RAD51B: variants seen among roughly 807,000 people sequenced by gnomAD.
The protein encoded by RAD51B is DNA repair protein RAD51 homolog 2.
Under a neutral mutation model 42.2 loss-of-function variants are expected in RAD51B, and 38 were observed. That is an observed-to-expected ratio of 0.90 (90% CI 0.70 to 1.18). The LOEUF is 1.18. Among genes scored for constraint, RAD51B ranks in the 50% most tolerant of loss-of-function variants. The probability of loss-of-function intolerance (pLI) is 0.00; values close to 1 mark genes in which losing one functional copy is unlikely to be tolerated. For synonymous variants in RAD51B, 154 were observed against 145.2 expected (o/e 1.06, Z -0.43); for missense variants, 373 against 400.7 (o/e 0.93, Z 0.59).
chr14:67,924,960 A>G (rs1425061549), intron 7 of RAD51B, among the ~76,000 whole-genome samples: 1 of 152,244 alleles, frequency 6.6e-6, no homozygotes, highest in South Asian at 2.1e-4. Flanking sequence ...TCCTACATAC[A>G]GTGGGATACA....
At chr14:68,626,347 A>G (rs1892080422) in intron 10 of RAD51B, among the ~76,000 whole-genome samples, 1 of 152,216 alleles carries the variant, frequency 6.6e-6, no homozygotes, top group Admixed American at 6.5e-5. Context: ...TCCATACCCC[A>G]TCTAGCATTT....
intron 9 of RAD51B, among the ~76,000 whole-genome samples, chr14:68,419,814 A>AG (rs143915506): frequency 0.17 from 26,049 of 152,194 alleles, 2,844 homozygotes; most frequent in Non-Finnish European, 0.25. Flanking sequence ...GGCAGGACAG[A>AG]GGGAGGAAGA....
At chr14:67,850,501 C>T (rs187389960) in intron 4 of RAD51B, among the ~76,000 whole-genome samples, 18 of 152,178 alleles carry the variant, frequency 1.2e-4, no homozygotes, top group East Asian at 5.8e-4. Context: ...GTTCAACCTA[C>T]GGGCCAGTAG....
chr14:68,628,660 C>A (rs904712595), intron 10 of RAD51B, among the ~76,000 whole-genome samples: 1 of 152,174 alleles, frequency 6.6e-6, no homozygotes, highest in Non-Finnish European at 1.5e-5. Context: ...TTGACTCTGC[C>A]GTTTGGGTCA....
At position 67,958,179 on chromosome 14, in the gene RAD51B, C is replaced by T. The variant is rs369378250; in HGVS notation, c.756+70975C>T. ...TGGAGGCTTCATGGAAGACAGGAAC[C>T]ATGTCTGTTTATTTTGTGTGATAGT... On this transcript the variant is annotated intron_variant, in intron 7 of 10. Coordinates refer to ENST00000471583, the MANE Select transcript of RAD51B (RefSeq NM_133510.4). 1.2e-4 allele frequency among the ~76,000 whole-genome samples: 19 copies of T among 152,278 alleles called. No homozygotes were observed. The South Asian group carries it at 3.9e-3, about 32-fold the overall frequency.
At chr14:67,861,470 C>T (rs1222108841) in intron 4 of RAD51B, among the ~76,000 whole-genome samples, 2 of 149,288 alleles carry the variant, frequency 1.3e-5, no homozygotes, top group Non-Finnish European at 3.0e-5. Context: ...GAAACCCAGT[C>T]TCTATGAAAA....
At chr14:68,296,107 A>G (rs1416194755) in intron 8 of RAD51B, among the ~76,000 whole-genome samples, 1 of 152,178 alleles carries the variant, frequency 6.6e-6, no homozygotes, top group African/African-American at 2.4e-5. Flanking sequence ...GGCAACATCA[A>G]CAACACAGTC....
chr14:68,576,520 A>T (rs1279213280), intron 10 of RAD51B, among the ~76,000 whole-genome samples: 1 of 152,192 alleles, frequency 6.6e-6, no homozygotes, highest in Non-Finnish European at 1.5e-5. Context: ...CAGCCTTTCC[A>T]TGGCACTTAG....
At chr14:68,612,692 T>A (rs962118448), downstream of RAD51B, among the ~76,000 whole-genome samples, 15 of 152,136 alleles carry the variant, frequency 9.9e-5, no homozygotes, top group African/African-American at 3.4e-4. Flanking sequence ...TGGAGATAGA[T>A]AATGGTGATG....
chr14:68,112,940 A>G lies in RAD51B; in HGVS notation c.757-178944A>G, dbSNP rs553251433. Among the ~76,000 whole-genome samples the G allele has an allele frequency of 3.9e-5, 6 of 152,264 alleles. No individual in the cohort carries two copies. In the South Asian group the frequency reaches 1.2e-3, roughly 32 times the overall value. On this transcript the variant is annotated intron_variant, in intron 7 of 10. Transcript: ENST00000471583. ...TATAATTAGACAGTGTTTTCCCTAA[A>G]TTACAAAAACATGCTCTTAAATTTG...
chr14:68,370,771 G>A (rs1232179497), intron 8 of RAD51B, among the ~76,000 whole-genome samples: 2 of 152,092 alleles, frequency 1.3e-5, no homozygotes, highest in African/African-American at 4.8e-5. Flanking sequence ...TTGGCCGGGC[G>A]CAGTGGCTCA....
At chr14:67,930,814 T>C (rs1226266461) in intron 7 of RAD51B, among the ~76,000 whole-genome samples, 4 of 152,334 alleles carry the variant, frequency 2.6e-5, no homozygotes, top group Non-Finnish European at 5.9e-5. Context: ...ATACTGATAA[T>C]TTATATATTT....
chr14:68,521,860 C>T (rs1886606109), intron 10 of RAD51B, among the ~76,000 whole-genome samples: 1 of 152,218 alleles, frequency 6.6e-6, no homozygotes, highest in East Asian at 1.9e-4. Flanking sequence ...TAATTGTTAG[C>T]CCCTCATATT....
At chr14:68,552,465 C>A (rs191167080) in intron 10 of RAD51B, among the ~76,000 whole-genome samples, 3 of 152,270 alleles carry the variant, frequency 2.0e-5, no homozygotes, top group Admixed American at 2.0e-4. Context: ...GCCCCATTCC[C>A]TTTTGAGACA....
chr14:67,895,229 C>T (rs777545219), intron 7 of RAD51B, among the ~76,000 whole-genome samples: 30 of 152,302 alleles, frequency 2.0e-4, no homozygotes, highest in African/African-American at 6.7e-4. Flanking sequence ...CGTTACTTTA[C>T]GTATGTTACA....
rs114580298 is a variant in RAD51B, at chr14:68,379,298, T to C, written c.854-32126T>C. Among the ~76,000 whole-genome samples, 1,022 of 152,336 alleles carry C rather than the reference T, an allele frequency of 6.7e-3. 13 individuals carry two copies. Among genetic ancestry groups the C allele is most frequent in the African/African-American group, 0.023 (939 of 41,578 alleles). ...TTAATTAAAATTTATATATTGGAGA[T>C]AATTTTTGCTAATAGATTTTTGCCA... On this transcript the variant is annotated intron_variant, in intron 8 of 10. Transcript: ENST00000471583.
intron 7 of RAD51B, among the ~76,000 whole-genome samples, chr14:68,112,338 T>C (rs1468760005): frequency 6.6e-6 from 1 of 152,018 alleles, no homozygotes; most frequent in Admixed American, 6.6e-5. Context: ...TCGCTTGCCA[T>C]CCCCTCCACA....
At chr14:68,039,926 C>A (rs1292599690) in intron 7 of RAD51B, among the ~76,000 whole-genome samples, 1 of 152,192 alleles carries the variant, frequency 6.6e-6, no homozygotes, top group African/African-American at 2.4e-5. Context: ...AGAGAAACAT[C>A]ATAATACTGG....
chr14:68,127,332 A>G (rs1032422987), intron 7 of RAD51B, among the ~76,000 whole-genome samples: 2 of 152,168 alleles, frequency 1.3e-5, no homozygotes, highest in Non-Finnish European at 2.9e-5. Flanking sequence ...TCTTAAAAGC[A>G]CTATTCACAT....
Sources: gnomAD v4.1 joint callset for allele counts (sites outside exome capture counted in the v4.1 genomes callset) on GRCh38, gnomAD v4.1.1 for gene constraint, MANE v1.5 for transcripts, NCBI Gene and HGNC (gene_info 2026-07-23, HGNC 2026-07-21) for gene names.